Variants in FHIT observed in about 807,000 individuals in gnomAD.
FHIT encodes bis(5'-adenosyl)-triphosphatase.
In FHIT, 19 loss-of-function variants were observed where a neutral mutation model predicts 17.9. That is an observed-to-expected ratio of 1.06 (90% CI 0.74 to 1.56). FHIT has a LOEUF of 1.56. FHIT is among the 40% of genes most tolerant of loss of function. FHIT has a pLI of 0.00. For synonymous variants in FHIT, 81 were observed against 69.7 expected (o/e 1.16, Z -0.81); for missense variants, 248 against 189.2 (o/e 1.31, Z -1.82).
At chr3:60,139,356 C>T (rs1699939442) in intron 5 of FHIT, among the ~76,000 whole-genome samples, 1 of 149,832 alleles carries the variant, frequency 6.7e-6, no homozygotes. Flanking sequence ...TGCACAGAAA[C>T]ATGACAGACT....
In FHIT at chr3:60,886,928, G is replaced by A. The variant is rs139072223; in HGVS notation, c.-110-64917C>T. Among the ~76,000 whole-genome samples, 783 of 152,256 alleles carry A rather than the reference G, an allele frequency of 5.1e-3. 8 individuals are homozygous for A. The highest frequency in any genetic ancestry group is 0.018 in the African/African-American group (743 of 41,548). On this transcript the variant is annotated intron_variant, in intron 3 of 9. Coordinates refer to ENST00000492590, the MANE Select transcript of FHIT (RefSeq NM_002012.4). ...TCAGAGTTTCAGTTTATAGCATGCC[G>A]TGGTTTGTTATCCAGGGTGAATCTA...
chr3:60,180,927 A>T (rs1029064600), intron 5 of FHIT, among the ~76,000 whole-genome samples: 4 of 152,080 alleles, frequency 2.6e-5, no homozygotes, highest in Admixed American at 6.5e-5. Flanking sequence ...AAACTAAGTA[A>T]GCATTTACTT....
At chr3:60,623,691 T>C (rs1253401041) in intron 4 of FHIT, among the ~76,000 whole-genome samples, 4 of 152,166 alleles carry the variant, frequency 2.6e-5, no homozygotes, top group African/African-American at 4.8e-5. Flanking sequence ...ATTGGTAAGA[T>C]ACAAATTAAA....
At chr3:59,879,419 G>A (rs1264320289) in intron 8 of FHIT, among the ~76,000 whole-genome samples, 1 of 152,088 alleles carries the variant, frequency 6.6e-6, no homozygotes, top group Non-Finnish European at 1.5e-5. Flanking sequence ...GAAATAACGA[G>A]CTATATAGGA....
intron 5 of FHIT, among the ~76,000 whole-genome samples, chr3:60,173,968 C>G (rs1701552736): frequency 7.6e-6 from 1 of 130,758 alleles, no homozygotes; most frequent in Non-Finnish European, 1.6e-5. Flanking sequence ...GGCTGGAGTG[C>G]AGTGGCGCGA....
intron 2 of FHIT, among the ~76,000 whole-genome samples, chr3:61,183,196 C>T (rs2038396905): frequency 6.6e-6 from 1 of 152,196 alleles, no homozygotes; most frequent in African/African-American, 2.4e-5. Context: ...GTATCCTTCT[C>T]TCCAATCAGA....
chr3:59,887,785 C>A lies in FHIT; in HGVS notation c.348+34561G>T, dbSNP rs900150368. Among the ~76,000 whole-genome samples, 4 of 152,192 alleles carry A rather than the reference C, an allele frequency of 2.6e-5. No individual in the cohort carries two copies. The East Asian group carries it at 7.7e-4, about 29-fold the overall frequency. ...AAAAATCAGCCAGCCCAGAGAGAGGCAAGTGCCTCCTAACTCAGCAAGGGA... is the reference window on the plus strand; with the variant it reads ...AAAAATCAGCCAGCCCAGAGAGAGGAAAGTGCCTCCTAACTCAGCAAGGGA... On this transcript the variant is annotated intron_variant, in intron 8 of 9. Coordinates refer to ENST00000492590, the MANE Select transcript of FHIT (RefSeq NM_002012.4).
intron 5 of FHIT, among the ~76,000 whole-genome samples, chr3:60,046,417 A>G (rs749181935): frequency 3.9e-5 from 6 of 152,206 alleles, no homozygotes; most frequent in Non-Finnish European, 8.8e-5. Flanking sequence ...CTGGGCTGCC[A>G]TCGGTGTTTA....
chr3:60,298,550 T>C (rs1004086832), intron 5 of FHIT, among the ~76,000 whole-genome samples: 1 of 152,220 alleles, frequency 6.6e-6, no homozygotes, highest in African/African-American at 2.4e-5. Context: ...CTTTGACTTT[T>C]TCCCAACCGT....
intron 5 of FHIT, among the ~76,000 whole-genome samples, chr3:60,255,611 T>C (rs962077503): frequency 4.6e-5 from 7 of 152,152 alleles, no homozygotes; most frequent in Non-Finnish European, 1.0e-4. Context: ...AACTTTCCTA[T>C]GTGAAATGTC....
intron 2 of FHIT, among the ~76,000 whole-genome samples, chr3:61,199,100 G>T (rs1317244231): frequency 6.6e-6 from 1 of 152,150 alleles, no homozygotes; most frequent in Non-Finnish European, 1.5e-5. Flanking sequence ...CTCTAAGAGG[G>T]TGAATAAGTT....
intron 2 of FHIT, among the ~76,000 whole-genome samples, chr3:61,115,742 G>T (rs928557787): frequency 2.0e-5 from 3 of 152,084 alleles, no homozygotes; most frequent in African/African-American, 7.2e-5. Flanking sequence ...ATACAGTTGT[G>T]CATAAGGTTC....
chr3:59,776,714 C>G (rs1254369363), intron 8 of FHIT, among the ~76,000 whole-genome samples: 1 of 152,176 alleles, frequency 6.6e-6, no homozygotes, highest in South Asian at 2.1e-4. Flanking sequence ...ATAATCAGAG[C>G]TGACATTTAT....
chr3:61,094,797 G>A (rs181576441), intron 2 of FHIT, among the ~76,000 whole-genome samples: 1 of 152,158 alleles, frequency 6.6e-6, no homozygotes, highest in African/African-American at 2.4e-5. Context: ...AATGGACAGG[G>A]AGCATCTACA....
chr3:60,300,034 T>A (rs1158604358), intron 5 of FHIT, among the ~76,000 whole-genome samples: 1 of 152,122 alleles, frequency 6.6e-6, no homozygotes, highest in Non-Finnish European at 1.5e-5. Context: ...CTTCTTTAGT[T>A]CCAGGGCTGG....
At chr3:61,195,208 C>T (rs1033344651) in intron 2 of FHIT, among the ~76,000 whole-genome samples, 4 of 151,740 alleles carry the variant, frequency 2.6e-5, no homozygotes, top group Non-Finnish European at 5.9e-5. Context: ...AAGCAACAAC[C>T]GGCTGAGCTG....
intron 5 of FHIT, among the ~76,000 whole-genome samples, chr3:60,019,532 C>T (rs970765926): frequency 6.6e-6 from 1 of 151,162 alleles, no homozygotes; most frequent in African/African-American, 2.4e-5. Context: ...GATTCTCCTG[C>T]CTCAGCCTCC....
intron 5 of FHIT, among the ~76,000 whole-genome samples, chr3:60,385,341 C>T (rs1356605035): frequency 6.6e-6 from 1 of 152,174 alleles, no homozygotes; most frequent in East Asian, 1.9e-4. Context: ...ATGCAGTATA[C>T]ATGGCTTTGT....
At chr3:60,478,279 G>A (rs1418254939) in intron 5 of FHIT, among the ~76,000 whole-genome samples, 3 of 152,212 alleles carry the variant, frequency 2.0e-5, no homozygotes, top group Non-Finnish European at 2.9e-5. Flanking sequence ...CAGTGTGACT[G>A]CACAGCCAGG....
Sources: allele counts gnomAD v4.1 joint callset (sites outside exome capture counted in the v4.1 genomes callset), GRCh38; gene constraint gnomAD v4.1.1; transcripts MANE v1.5; gene names NCBI Gene and HGNC (gene_info 2026-07-23, HGNC 2026-07-21).